Variants in CSF2RA observed in about 807,000 individuals in gnomAD.
The protein encoded by CSF2RA is colony stimulating factor 2 receptor subunit alpha.
A neutral mutation model predicts 51.6 loss-of-function variants in CSF2RA; 42 were observed. That is an observed-to-expected ratio of 0.81 (90% confidence interval 0.64 to 1.05). The LOEUF (loss-of-function observed/expected upper bound fraction) is 1.05. Among genes scored for constraint, CSF2RA ranks in the 50% least tolerant of loss-of-function variants. The pLI is 0.00. For missense variants in CSF2RA, 530 were observed against 501.1 expected (o/e 1.06, Z -0.55); for synonymous variants, 222 against 193.0 (o/e 1.15, Z -1.24).
intron 1 of CSF2RA, among the ~76,000 whole-genome samples, chrX:1,274,335 T>A (rs1418218371): frequency 6.6e-6 from 1 of 151,616 alleles, no homozygotes; most frequent in East Asian, 2.0e-4. Flanking sequence ...GGGAGGGAGC[T>A]GGGGATCCAG....
downstream of CSF2RA, among the ~76,000 whole-genome samples, chrX:1,314,469 C>T (rs111948354): frequency 0.01 from 1,399 of 134,756 alleles, 31 homozygotes; most frequent in African/African-American, 0.018. Context: ...ACCTGCCCAA[C>T]CCCAATGCAC....
At chrX:1,281,779 A>G (rs1339813956) in intron 2 of CSF2RA, 3 of 150,168 alleles carry the variant, frequency 2.0e-5, no homozygotes, top group African/African-American at 4.9e-5. Flanking sequence ...TCCCTTAGTC[A>G]TAAGTATTTA....
intron 3 of CSF2RA, among the ~76,000 whole-genome samples, chrX:1,283,767 G>C (rs1355249454): frequency 2.0e-5 from 3 of 151,724 alleles, no homozygotes; most frequent in African/African-American, 4.8e-5. Flanking sequence ...ATGGGGTTTT[G>C]TCATGTTGGC....
At chrX:1,314,507 CCGCACTGCACCTGCCCAAT>C (rs2084399014), downstream of CSF2RA, among the ~76,000 whole-genome samples, 5 of 134,064 alleles carry the variant, frequency 3.7e-5, no homozygotes, top group East Asian at 7.4e-4. Flanking sequence ...GCCTGCCCAA[CCGCACTGCACCTGCCCAAT>C]CCCACTGCAC....
downstream of CSF2RA, among the ~76,000 whole-genome samples, chrX:1,313,961 G>A (rs1174731471): frequency 5.3e-5 from 8 of 152,016 alleles, no homozygotes; most frequent in South Asian, 2.1e-4. Flanking sequence ...ATTGCACTCC[G>A]GCCTGGGTGA....
At chrX:1,281,112 TCTC>T (rs771038360) in intron 2 of CSF2RA, among the ~76,000 whole-genome samples, 3,398 of 24,832 alleles carry the variant, frequency 0.14, 236 homozygotes, top group East Asian at 0.24. Flanking sequence ...TCCTCCTCCT[TCTC>T]CTCCTCCTCC....
Position 1,305,435 on chromosome X carries a change from C to T in CSF2RA, c.1044-11C>T. 1 of 1,613,948 alleles carries T rather than the reference C, an allele frequency of 6.2e-7. No homozygotes were observed. Among genetic ancestry groups the T allele is most frequent in the Non-Finnish European group, 8.5e-7 (1 of 1,179,848 alleles). On this transcript the variant is annotated splice_polypyrimidine_tract_variant and intron_variant, in intron 11 of 12. Coordinates refer to ENST00000381529, the MANE Select transcript of CSF2RA (RefSeq NM_172245.4). ...GGTTCATTCTCTTCACACTTTTTCT[C>T]TGTGTCTCAGGTTCCTTAGGATACA...
chrX:1,285,983 A>G lies in CSF2RA; in HGVS notation c.219+63A>G, dbSNP rs2090601061. ...CACACCCCTTTCTGAGTTAAAAGCAACAGGGCCGGCTGGGCGCGGCGGCTC... is the reference window on the plus strand; with the variant it reads ...CACACCCCTTTCTGAGTTAAAAGCAGCAGGGCCGGCTGGGCGCGGCGGCTC... On this transcript the variant is annotated intron_variant, in intron 4 of 12. Transcript: ENST00000381529. 8.7e-6 allele frequency: 14 copies of G among 1,609,794 alleles called. No individual in the cohort carries two copies. The Middle Eastern group carries it at 5.0e-4, about 57-fold the overall frequency.
At chrX:1,306,798 CAG>C (rs1197138895) in intron 12 of CSF2RA, among the ~76,000 whole-genome samples, 3 of 148,268 alleles carry the variant, frequency 2.0e-5, no homozygotes, top group African/African-American at 7.5e-5. Flanking sequence ...GACATAGAGA[CAG>C]GGACAAAGAG....
chrX:1,294,154 G>A (rs1413681708), intron 7 of CSF2RA, 174 bp from the exon 8 acceptor site: 2 of 799,412 alleles, frequency 2.5e-6, no homozygotes, highest in Non-Finnish European at 4.4e-6. Context: ...TGGACCCAGT[G>A]TAGTCAAAGA....
downstream of CSF2RA, among the ~76,000 whole-genome samples, chrX:1,312,073 C>T (rs2084216321): frequency 2.0e-5 from 3 of 152,138 alleles, no homozygotes; most frequent in Admixed American, 2.0e-4. Flanking sequence ...TCTCATGCCT[C>T]AGCCTCTCGA....
downstream of CSF2RA, among the ~76,000 whole-genome samples, chrX:1,315,315 G>C (rs751328011): frequency 6.6e-6 from 1 of 152,234 alleles, no homozygotes; most frequent in Admixed American, 6.6e-5. Flanking sequence ...ATATATGATA[G>C]ATGAATAGAT....
the CSF2RA span, among the ~76,000 whole-genome samples, chrX:1,323,073 G>A: frequency 1.3e-5 from 2 of 151,674 alleles, no homozygotes; most frequent in Admixed American, 6.6e-5. Context: ...AGGTTGCAGT[G>A]AGCCGAGATC....
At chrX:1,301,045 C>G (rs369117505) in intron 10 of CSF2RA, among the ~76,000 whole-genome samples, 1 of 151,224 alleles carries the variant, frequency 6.6e-6, no homozygotes, top group Non-Finnish European at 1.5e-5. Flanking sequence ...CCCAGCTACT[C>G]GGGAGGCTGA....
At chrX:1,318,485 T>C in the CSF2RA span, among the ~76,000 whole-genome samples, 3,105 of 151,228 alleles carry the variant, frequency 0.021, 90 homozygotes, top group African/African-American at 0.071. Flanking sequence ...TTGTCTCCAC[T>C]GGCCAAAGGG....
chrX:1,308,601 C>T (rs144701731), intron 12 of CSF2RA, among the ~76,000 whole-genome samples: 1 of 152,096 alleles, frequency 6.6e-6, no homozygotes, highest in Admixed American at 6.6e-5. Flanking sequence ...CCCCAGCGCC[C>T]TCTTCTCTGC....
At chrX:1,277,423 C>T (rs1163832688) in intron 2 of CSF2RA, among the ~76,000 whole-genome samples, 1 of 149,700 alleles carries the variant, frequency 6.7e-6, no homozygotes, top group African/African-American at 2.5e-5. Context: ...TGGTGAAACC[C>T]CATCTCTACT....
chrX:1,271,395 A>C (rs866870013), intron 1 of CSF2RA, among the ~76,000 whole-genome samples: 1 of 29,600 alleles, frequency 3.4e-5, no homozygotes, highest in Admixed American at 8.3e-4. Flanking sequence ...GCTGGAGTGC[A>C]GTGGTGCAAT....
the CSF2RA span, among the ~76,000 whole-genome samples, chrX:1,323,943 G>A: frequency 6.6e-6 from 1 of 152,070 alleles, no homozygotes; most frequent in African/African-American, 2.4e-5. Context: ...GAACCCGGGA[G>A]GCCGAGGTTG....
Sources: gnomAD v4.1 joint callset for allele counts (sites outside exome capture counted in the v4.1 genomes callset) on GRCh38, gnomAD v4.1.1 for gene constraint, MANE v1.5 for transcripts, NCBI Gene and HGNC (gene_info 2026-07-23, HGNC 2026-07-21) for gene names.